PPFIBP1: variants seen among roughly 807,000 people sequenced by gnomAD.
PPFIBP1 encodes the protein liprin-beta-1.
PPFIBP1 carries 112 observed loss-of-function variants against 137.8 expected under a neutral mutation model. That is an observed-to-expected ratio of 0.81 (90% CI 0.70 to 0.95). The LOEUF is 0.95. PPFIBP1 is among the 40% of genes least tolerant of loss of function. The pLI, the probability that PPFIBP1 is intolerant of heterozygous loss-of-function variation, is 0.00. For synonymous variants in PPFIBP1, 378 were observed against 417.3 expected (o/e 0.91, Z 1.15); for missense variants, 1,083 against 1,196.6 (o/e 0.91, Z 1.40).
chr12:27,537,923 T>A (rs1192090405), intron 1 of PPFIBP1, among the ~76,000 whole-genome samples: 1 of 152,150 alleles, frequency 6.6e-6, no homozygotes, highest in Non-Finnish European at 1.5e-5. Context: ...TGAATGTTGA[T>A]CTTTTAGTCT....
At chr12:27,645,377 A>G (rs372959901) in intron 4 of PPFIBP1, among the ~76,000 whole-genome samples, 168 of 152,300 alleles carry the variant, frequency 1.1e-3, no homozygotes, top group African/African-American at 3.9e-3. Context: ...CAATCTATAC[A>G]TCGTTTCTCA....
At chr12:27,651,503 C>T (rs1241045225) in intron 7 of PPFIBP1, among the ~76,000 whole-genome samples, 2 of 152,112 alleles carry the variant, frequency 1.3e-5, no homozygotes, top group African/African-American at 4.8e-5. Flanking sequence ...TAGAAAGTTA[C>T]CCAATTTAAA....
intron 12 of PPFIBP1, among the ~76,000 whole-genome samples, chr12:27,666,209 G>A (rs926057666): frequency 2.0e-5 from 3 of 152,152 alleles, no homozygotes; most frequent in Admixed American, 6.5e-5. Context: ...GCATACAAAC[G>A]TGTAAATACA....
intron 2 of PPFIBP1, among the ~76,000 whole-genome samples, chr12:27,587,622 C>CAAAAA (rs35185831): frequency 2.2e-4 from 16 of 73,482 alleles, no homozygotes; most frequent in Admixed American, 7.1e-4. Flanking sequence ...GACTCCATCT[C>CAAAAA]AAAAAAAAAA....
intron 1 of PPFIBP1, among the ~76,000 whole-genome samples, chr12:27,544,581 G>A (rs1421481991): frequency 6.6e-6 from 1 of 152,162 alleles, no homozygotes; most frequent in Non-Finnish European, 1.5e-5. Flanking sequence ...AGTGCGCAAA[G>A]GATGTGAACA....
At chr12:27,526,651 T>G (rs991140395) in intron 1 of PPFIBP1, among the ~76,000 whole-genome samples, 1 of 152,070 alleles carries the variant, frequency 6.6e-6, no homozygotes, top group Non-Finnish European at 1.5e-5. Flanking sequence ...CTGGCTAACA[T>G]GGTGAAACCC....
chr12:27,591,503 G>A (rs2052513510), intron 2 of PPFIBP1, among the ~76,000 whole-genome samples: 1 of 152,104 alleles, frequency 6.6e-6, no homozygotes, highest in South Asian at 2.1e-4. Context: ...CTGAACTTTT[G>A]GTAAATACTG....
chr12:27,605,638 T>C (rs1400017533), intron 2 of PPFIBP1, among the ~76,000 whole-genome samples: 3 of 152,214 alleles, frequency 2.0e-5, no homozygotes, highest in African/African-American at 7.2e-5. Context: ...TTTACACTTA[T>C]GACACATTTG....
intron 15 of PPFIBP1, 133 bp downstream of exon 15, chr12:27,672,616 T>C: frequency 7.2e-6 from 5 of 693,260 alleles, no homozygotes; most frequent in Non-Finnish European, 1.2e-5. Flanking sequence ...AATGTAGCTA[T>C]AATAATTGGG....
chr12:27,571,265 T>G (rs2050120538), intron 1 of PPFIBP1, among the ~76,000 whole-genome samples: 1 of 152,208 alleles, frequency 6.6e-6, no homozygotes, highest in South Asian at 2.1e-4. Context: ...AACATTCTTG[T>G]GAAAGGAGTA....
intron 2 of PPFIBP1, among the ~76,000 whole-genome samples, chr12:27,591,869 A>G (rs1412270752): frequency 6.6e-6 from 1 of 152,196 alleles, no homozygotes; most frequent in African/African-American, 2.4e-5. Context: ...TGAAATTGAA[A>G]TTAATTTCCT....
At chr12:27,624,698 A>T (rs1195568770) in intron 2 of PPFIBP1, among the ~76,000 whole-genome samples, 1 of 152,044 alleles carries the variant, frequency 6.6e-6, no homozygotes, top group African/African-American at 2.4e-5. Flanking sequence ...CCTCTTTTGT[A>T]CTCTGCCTTA....
chr12:27,579,139 G>T (rs1044057263), intron 2 of PPFIBP1, among the ~76,000 whole-genome samples: 1 of 152,212 alleles, frequency 6.6e-6, no homozygotes, highest in Non-Finnish European at 1.5e-5. Context: ...ACACAGCTTT[G>T]GTACCTGGGT....
chr12:27,564,245 T>G (rs2049443292), intron 1 of PPFIBP1, among the ~76,000 whole-genome samples: 1 of 152,216 alleles, frequency 6.6e-6, no homozygotes, highest in African/African-American at 2.4e-5. Flanking sequence ...TTGGTCTTTC[T>G]TCTTCAAAAC....
intron 1 of PPFIBP1, among the ~76,000 whole-genome samples, chr12:27,535,191 G>A (rs1213650963): frequency 6.6e-6 from 1 of 152,086 alleles, no homozygotes. Context: ...GCTGTTAAAG[G>A]TACTAAAATA....
Position 27,634,931 on chromosome 12 carries a change from C to G in PPFIBP1, c.86C>G (p.Ser29Cys), listed in dbSNP as rs1455152224. 9.9e-6 allele frequency: 16 copies of G among 1,613,822 alleles called. No homozygotes were observed. Among genetic ancestry groups the G allele is most frequent in the Middle Eastern group, 3.3e-4 (2 of 6,062 alleles). Residue 29 changes from serine (S) to cysteine (C), a missense_variant, in exon 4 of 30, where the codon TCC becomes TGC. By Grantham distance (112) the Ser-to-Cys change is moderately radical. Coordinates refer to ENST00000228425, the MANE Select transcript of PPFIBP1 (RefSeq NM_003622.4). ...IIAGSKALEY[S>C]NGIFDCQSPT... Reference sequence around the variant, plus strand: ...TTAGGTTCTAAGGCTCTGGAATATTCCAATGGGATTTTTGATTGCCAATCT... The same window carrying G: ...TTAGGTTCTAAGGCTCTGGAATATTGCAATGGGATTTTTGATTGCCAATCT...
At chr12:27,609,547 A>T (rs1258031620) in intron 2 of PPFIBP1, among the ~76,000 whole-genome samples, 1 of 152,162 alleles carries the variant, frequency 6.6e-6, no homozygotes, top group Non-Finnish European at 1.5e-5. Flanking sequence ...TCTTCTCGGG[A>T]TCCCTTCTGG....
chr12:27,685,215 A>G (rs1466164622), intron 24 of PPFIBP1, among the ~76,000 whole-genome samples: 1 of 148,340 alleles, frequency 6.7e-6, no homozygotes, highest in Non-Finnish European at 1.5e-5. Flanking sequence ...TACATAGAGT[A>G]TGTATATATA....
chr12:27,672,438 T>G lies in PPFIBP1; in HGVS notation c.1274T>G (p.Ile425Arg). ...ETSFEENDGN[I>R]ILGATVDTQL... ...TCTTTACATTTTAGTGATGGAAACATAATCCTTGGTGCCACTGTTGATACC... is the reference window on the plus strand; with the variant it reads ...TCTTTACATTTTAGTGATGGAAACAGAATCCTTGGTGCCACTGTTGATACC... Residue 425 changes from isoleucine to arginine, a missense_variant, in exon 15 of 30, where the codon ATA becomes AGA. Transcript: ENST00000228425. 6.2e-7 allele frequency: 1 copy of G among 1,607,728 alleles called. No homozygotes were observed. The highest frequency in any genetic ancestry group is 8.5e-7 in the Non-Finnish European group (1 of 1,174,732).
Sources: allele counts gnomAD v4.1 joint callset (sites outside exome capture counted in the v4.1 genomes callset), GRCh38; gene constraint gnomAD v4.1.1; transcripts MANE v1.5; gene names NCBI Gene and HGNC (gene_info 2026-07-23, HGNC 2026-07-21).